The following LRRC49 variants were observed in gnomAD, a reference collection of about 807,000 sequenced individuals.
LRRC49 encodes leucine-rich repeat-containing protein 49.
In LRRC49, 50 loss-of-function variants were observed where a neutral mutation model predicts 83.3. That is an observed-to-expected ratio of 0.60 (90% CI 0.48 to 0.76). The LOEUF is 0.76. LRRC49 is among the 30% of genes least tolerant of loss of function. LRRC49 has a pLI of 0.00. For synonymous variants in LRRC49, 286 were observed against 283.3 expected (o/e 1.01, Z -0.10); for missense variants, 704 against 809.1 (o/e 0.87, Z 1.58).
chr15:71,029,982 G>C (rs1202124352), intron 14 of LRRC49, among the ~76,000 whole-genome samples: 1 of 152,130 alleles, frequency 6.6e-6, no homozygotes, highest in Non-Finnish European at 1.5e-5. Flanking sequence ...TGATTTGCTA[G>C]TCTGATTATT....
upstream of LRRC49, chr15:70,892,796 A>G (rs574821667): frequency 3.2e-5 from 52 of 1,612,472 alleles, no homozygotes; most frequent in Middle Eastern, 1.7e-4. Context: ...AACCCTGAGC[A>G]GGTTGCCTGG....
At chr15:70,909,494 C>T (rs2034456276) in intron 5 of LRRC49, among the ~76,000 whole-genome samples, 1 of 152,120 alleles carries the variant, frequency 6.6e-6, no homozygotes, top group Non-Finnish European at 1.5e-5. Context: ...TAATTTTCTG[C>T]AACTGTTGTA....
intron 9 of LRRC49, among the ~76,000 whole-genome samples, chr15:70,972,310 C>T (rs1476182635): frequency 6.6e-6 from 1 of 152,178 alleles, no homozygotes; most frequent in Non-Finnish European, 1.5e-5. Context: ...TGAATATTGG[C>T]CCCCACTCTC....
chr15:70,939,199 C>T (rs1056890623), intron 8 of LRRC49, among the ~76,000 whole-genome samples: 4 of 152,000 alleles, frequency 2.6e-5, no homozygotes, highest in African/African-American at 9.7e-5. Flanking sequence ...TTATATTGTC[C>T]CTTCTGTTAG....
rs181554478 is a variant in LRRC49 at position 70,995,919 on chromosome 15, G to A, written c.1169+11662G>A. Among the ~76,000 whole-genome samples the A allele has an allele frequency of 2.6e-5, 4 of 152,258 alleles. No individual in the cohort carries two copies. The East Asian group carries it at 7.7e-4, about 29-fold the overall frequency. ...CCACAAAGTCGTTAGCTTTTAAGAA[G>A]GGAGCATAGAGAAAGAGTTTGGGAG... is the stretch of plus-strand genomic sequence containing the variant. On this transcript the variant is annotated intron_variant, in intron 11 of 15. Coordinates refer to ENST00000260382, the MANE Select transcript of LRRC49 (RefSeq NM_017691.5).
At chr15:70,898,514 C>G (rs1027057508) in intron 3 of LRRC49, 1 of 658,264 alleles carries the variant, frequency 1.5e-6, no homozygotes, top group African/African-American at 1.8e-5. Flanking sequence ...ATGGCTCATG[C>G]CTGTAACCCC....
At chr15:70,885,603 A>G (rs1011178381) in intron 2 of LRRC49, among the ~76,000 whole-genome samples, 6 of 152,202 alleles carry the variant, frequency 3.9e-5, no homozygotes, top group Admixed American at 3.3e-4. Context: ...GCAAACACTA[A>G]GTTAAAGAAA....
At chr15:70,892,193 C>G, upstream of LRRC49, 7 of 1,608,190 alleles carry the variant, frequency 4.4e-6, no homozygotes, top group Non-Finnish European at 5.1e-6. Flanking sequence ...CCGCACGGCC[C>G]GGTCCTTGGG....
intron 2 of LRRC49, among the ~76,000 whole-genome samples, chr15:70,894,135 A>G (rs1340955387): frequency 6.6e-6 from 1 of 152,222 alleles, no homozygotes; most frequent in African/African-American, 2.4e-5. Flanking sequence ...AGCTGAAGCA[A>G]TCCGCTTGCT....
chr15:70,955,864 T>A (rs779842678), intron 8 of LRRC49, among the ~76,000 whole-genome samples: 9 of 152,208 alleles, frequency 5.9e-5, no homozygotes, highest in Non-Finnish European at 8.8e-5. Context: ...TTTGATCATA[T>A]ATTATACATC....
intron 11 of LRRC49, among the ~76,000 whole-genome samples, chr15:70,996,146 A>G (rs563388269): frequency 6.6e-5 from 10 of 152,258 alleles, no homozygotes; most frequent in African/African-American, 2.2e-4. Flanking sequence ...GTAGCCACAG[A>G]AGATATTTAT....
Position 70,904,709 on chromosome 15 carries a change from C to T in LRRC49, c.454C>T (p.Leu152Phe). ...TAACCAGATTGAAGAAATTAGTGGG[C>T]TTTCGACTCTGAGATGTCTTCGTGT... ...YDNQIEEISG[L>F]STLRCLRVLL... Residue 152 changes from leucine (L) to phenylalanine (F), a missense_variant, in exon 5 of 16, where the codon CTT becomes TTT. Physicochemically the swap from Leu to Phe is conservative, Grantham distance 22. This residue lies in a region of LRRC49 where 261 missense variants were observed against 330.5 expected (regional missense o/e 0.79). Coordinates refer to ENST00000260382, the MANE Select transcript of LRRC49 (RefSeq NM_017691.5). 1 of 1,613,646 alleles carries T rather than the reference C, an allele frequency of 6.2e-7. No homozygotes were observed. Among genetic ancestry groups the T allele is most frequent in the Non-Finnish European group, 8.5e-7 (1 of 1,179,710 alleles).
chr15:70,858,923 G>C (rs1884574884), intron 1 of LRRC49: 1 of 780,658 alleles, frequency 1.3e-6, no homozygotes, highest in Non-Finnish European at 2.3e-6. Context: ...CGGTCAACCA[G>C]AGCCTGCTGA....
At chr15:70,937,184 A>G (rs992996883) in intron 8 of LRRC49, among the ~76,000 whole-genome samples, 1 of 152,234 alleles carries the variant, frequency 6.6e-6, no homozygotes, top group African/African-American at 2.4e-5. Context: ...TACAATTTGT[A>G]TAGCTACTAA....
intron 8 of LRRC49, among the ~76,000 whole-genome samples, chr15:70,953,710 G>T (rs995161467): frequency 6.6e-6 from 1 of 152,202 alleles, no homozygotes; most frequent in Admixed American, 6.5e-5. Context: ...CCTCAAATAC[G>T]TTTTCCAGGT....
At chr15:70,991,803 C>T (rs1278875291) in intron 11 of LRRC49, among the ~76,000 whole-genome samples, 1 of 152,182 alleles carries the variant, frequency 6.6e-6, no homozygotes, top group African/African-American at 2.4e-5. Context: ...TATAATATAG[C>T]TTTTACTTCA....
chr15:71,012,783 C>CT, intron 13 of LRRC49, 21 bp from the exon 14 acceptor site: 1 of 1,445,558 alleles, frequency 6.9e-7, no homozygotes, highest in East Asian at 2.3e-5. Flanking sequence ...TTTTTTACCC[C>CT]TTTCTATTGT....
At chr15:70,923,397 G>T (rs1446976197) in intron 7 of LRRC49, among the ~76,000 whole-genome samples, 1 of 151,884 alleles carries the variant, frequency 6.6e-6, no homozygotes, top group Non-Finnish European at 1.5e-5. Context: ...GTTTCTAGAA[G>T]CATACAAGTT....
Position 70,918,879 on chromosome 15 carries a change from G to A in LRRC49, c.568-171G>A, listed in dbSNP as rs3213913. The A allele has an allele frequency of 4.0e-4, 208 of 518,846 alleles. 2 individuals carry two copies. Among genetic ancestry groups the A allele is most frequent in the East Asian group, 3.9e-3 (121 of 31,268 alleles). 32.1% of individuals were successfully genotyped at this position (518,846 alleles called of 1,614,324 possible). A position where few individuals can be genotyped will look rare whatever the true frequency, so the allele number is the denominator to read the frequency against. On this transcript the variant is annotated intron_variant, in intron 6 of 15. Transcript: ENST00000260382. ...CTTTTAGCTAATGTTCACAAGTTAC[G>A]TGACTTCATGTTATCTACAGCATAG...
Sources: gnomAD v4.1 joint callset for allele counts (sites outside exome capture counted in the v4.1 genomes callset) on GRCh38, gnomAD v4.1.1 for gene constraint, gnomAD v4.1.1 regional missense constraint, MANE v1.5 for transcripts, NCBI Gene and HGNC (gene_info 2026-07-23, HGNC 2026-07-21) for gene names.